Variants in TIAM2 observed in about 807,000 individuals in gnomAD.
TIAM2 encodes the protein rho guanine nucleotide exchange factor TIAM2.
TIAM2 carries 80 observed loss-of-function variants against 152.9 expected under a neutral mutation model. That is an observed-to-expected ratio of 0.52 (90% CI 0.44 to 0.63). The LOEUF is 0.63. Ranked by LOEUF, TIAM2 falls within the 30% of genes least tolerant of loss-of-function variation. The probability of loss-of-function intolerance (pLI) is 0.00; values close to 1 mark genes in which losing one functional copy is unlikely to be tolerated. For synonymous variants in TIAM2, 804 were observed against 838.0 expected, an observed-to-expected ratio of 0.96 and a Z score of 0.70; for missense variants, 1,965 against 2,120.1, an observed-to-expected ratio of 0.93 and a Z score of 1.44.
At chr6:155,047,685 A>AG (rs1404495927) in intron 1 of TIAM2, among the ~76,000 whole-genome samples, 2 of 21,654 alleles carry the variant, frequency 9.2e-5, no homozygotes, top group South Asian at 1.6e-3. Context: ...AGAGAGAGAG[A>AG]GAGGAGAGAG....
intron 1 of TIAM2, among the ~76,000 whole-genome samples, chr6:155,045,862 G>C (rs73795827): frequency 0.07 from 3,345 of 48,068 alleles, 86 homozygotes; most frequent in African/African-American, 0.22. Context: ...TTTTTTTTTT[G>C]GTTTTTGTTT....
intron 1 of TIAM2, among the ~76,000 whole-genome samples, chr6:155,024,914 GA>G (rs1776569839): frequency 6.6e-6 from 1 of 152,216 alleles, no homozygotes; most frequent in Non-Finnish European, 1.5e-5. Context: ...CCAGAAGGGA[GA>G]AATCCAGAAA....
At chr6:155,125,704 G>A (rs972487806) in intron 2 of TIAM2, among the ~76,000 whole-genome samples, 4 of 152,058 alleles carry the variant, frequency 2.6e-5, no homozygotes, top group Non-Finnish European at 4.4e-5. Context: ...CTGGTGCAAT[G>A]GTGCGCGCCT....
In TIAM2 at chr6:155,164,335, T is replaced by G. The variant is rs17086013; in HGVS notation, c.2029-80T>G. ...GCCGAAACTAATTTTTTCTTCAAGT[T>G]TGTGAAAGGGATCACATTTTCGTTT... On this transcript the variant is annotated intron_variant, in intron 7 of 26. Transcript: ENST00000682666. The G allele has an allele frequency of 2.6e-3, 3,494 of 1,370,028 alleles. 90 individuals carry two copies. The African/African-American group carries it at 0.045, about 18-fold the overall frequency. 84.9% of individuals were successfully genotyped at this position (1,370,028 alleles called of 1,614,324 possible). A position where few individuals can be genotyped will look rare whatever the true frequency, so the allele number is the denominator to read the frequency against.
At chr6:155,192,227 CTTAATCT>C (rs1781223713) in intron 14 of TIAM2, among the ~76,000 whole-genome samples, 1 of 152,026 alleles carries the variant, frequency 6.6e-6, no homozygotes, top group South Asian at 2.1e-4. Flanking sequence ...GCCCTGTGGC[CTTAATCT>C]TCTGATTTTC....
rs774698827 is a variant in TIAM2 at position 155,240,615 on chromosome 6, C to G, written c.3254C>G (p.Pro1085Arg). Residue 1085 changes from proline to arginine, a missense_variant, in exon 16 of 27, where the codon CCT (proline) becomes CGT (arginine). By Grantham distance (103) the Pro-to-Arg change is moderately radical. Around this residue, in one of 3 missense-constraint regions of TIAM2, gnomAD observed 935 missense variants for 980.0 expected, o/e 0.95. Coordinates refer to ENST00000682666, the MANE Select transcript of TIAM2 (RefSeq NM_012454.4). ...GMEGPRENQDPPPRSLARHLS... is the reference protein window; with the variant it reads ...GMEGPRENQDRPPRSLARHLS... ...GAAGGACCGCGGGAGAATCAGGATC[C>G]TCCTCCGAGGTCTCTGGCCCGCCAC... 2.7e-5 allele frequency: 44 copies of G among 1,614,040 alleles called. No homozygotes were observed. The highest frequency in any genetic ancestry group is 3.6e-5 in the Non-Finnish European group (42 of 1,180,048).
intron 1 of TIAM2, among the ~76,000 whole-genome samples, chr6:155,053,189 G>A (rs1196446557): frequency 6.6e-6 from 1 of 152,172 alleles, no homozygotes; most frequent in Admixed American, 6.6e-5. Context: ...GAATACAAGT[G>A]TTTATTAAGA....
At chr6:155,117,120 A>ATTTTTTTTTTTTTTTTTTTG (rs1554231601) in intron 2 of TIAM2, among the ~76,000 whole-genome samples, 2 of 151,554 alleles carry the variant, frequency 1.3e-5, no homozygotes, top group South Asian at 2.1e-4. Flanking sequence ...AATAATTTCT[A>ATTTTTTTTTTTTTTTTTTTG]AAAGAAAAAT....
intron 2 of TIAM2, among the ~76,000 whole-genome samples, chr6:155,097,202 G>C (rs1261687903): frequency 6.6e-6 from 1 of 152,022 alleles, no homozygotes; most frequent in Non-Finnish European, 1.5e-5. Context: ...TGAATTATTT[G>C]TTTTTTGCTG....
chr6:155,072,037 G>A (rs574688234), intron 1 of TIAM2, among the ~76,000 whole-genome samples: 2 of 152,162 alleles, frequency 1.3e-5, no homozygotes, highest in African/African-American at 4.8e-5. Flanking sequence ...AGAGGAGAGC[G>A]TGTCAGCTAG....
At chr6:155,093,035 G>A (rs1389044775) in intron 2 of TIAM2, among the ~76,000 whole-genome samples, 1 of 152,142 alleles carries the variant, frequency 6.6e-6, no homozygotes, top group Non-Finnish European at 1.5e-5. Context: ...AAGTAACAGT[G>A]ACAATAAAAC....
intron 9 of TIAM2, among the ~76,000 whole-genome samples, chr6:155,167,348 A>G (rs1292719189): frequency 6.6e-6 from 1 of 152,062 alleles, no homozygotes; most frequent in African/African-American, 2.4e-5. Flanking sequence ...CAGCCTCCCA[A>G]GTAGCTGGGA....
At chr6:155,114,525 C>G (rs1299013741) in intron 2 of TIAM2, among the ~76,000 whole-genome samples, 1 of 151,992 alleles carries the variant, frequency 6.6e-6, no homozygotes, top group African/African-American at 2.4e-5. Context: ...GAGGCATACT[C>G]TAAGTTATAA....
At chr6:155,165,998 C>T (rs73795329) in intron 9 of TIAM2, among the ~76,000 whole-genome samples, 15,854 of 152,156 alleles carry the variant, frequency 0.1, 904 homozygotes, top group Middle Eastern at 0.16. Flanking sequence ...CTAATATTTA[C>T]TTTCTCATAG....
At chr6:155,071,189 G>C (rs1028018992) in intron 1 of TIAM2, among the ~76,000 whole-genome samples, 1 of 46,306 alleles carries the variant, frequency 2.2e-5, no homozygotes, top group African/African-American at 7.0e-5. Flanking sequence ...AAGAAAAAAA[G>C]ACACATATTT....
rs554222306 is a variant in TIAM2, at chr6:155,244,599, G to A, written c.3418-59G>A. 1.5e-4 allele frequency: 231 copies of A among 1,577,770 alleles called. 3 individuals carry two copies. In the South Asian group the frequency reaches 2.6e-3, roughly 18 times the overall value. On this transcript the variant is annotated intron_variant, in intron 17 of 26. Transcript: ENST00000682666. The stretch of plus-strand genomic sequence containing the variant: ...GATTTATTTGTGGGCCTAAGAGTTA[G>A]CGTGGTGTCCTGAACTTCATGGCTA...
At chr6:155,029,904 C>T (rs1048982955) in intron 1 of TIAM2, among the ~76,000 whole-genome samples, 5 of 151,740 alleles carry the variant, frequency 3.3e-5, no homozygotes, top group South Asian at 2.1e-4. Flanking sequence ...GCCATCCTCC[C>T]GTCTCAGCCT....
intron 1 of TIAM2, among the ~76,000 whole-genome samples, chr6:155,012,225 C>T (rs1203761358): frequency 1.3e-5 from 2 of 152,140 alleles, no homozygotes; most frequent in African/African-American, 2.4e-5. Context: ...CTTGCGTTGT[C>T]ATATTTCATT....
chr6:155,251,172 T>C lies in TIAM2; in HGVS notation c.4060+151T>C, dbSNP rs1783634125. 9.0e-6 allele frequency: 6 copies of C among 664,230 alleles called. No individual in the cohort carries two copies. In the Admixed American group the frequency reaches 1.1e-4, roughly 12 times the overall value. The allele number at this position is 664,230 out of a possible 1,614,324, so 41.1% of individuals were successfully genotyped here. A position where few individuals can be genotyped will look rare whatever the true frequency, so the allele number is the denominator to read the frequency against. Reference sequence around the variant, plus strand: ...CTTAACAGGGCCAGCCCCCAACTATTTGAAACTCCGGCATCGCTCTGCATC... The same window carrying C: ...CTTAACAGGGCCAGCCCCCAACTATCTGAAACTCCGGCATCGCTCTGCATC... On this transcript the variant is annotated intron_variant, in intron 22 of 26. Transcript: ENST00000682666.
Sources: gnomAD v4.1 joint callset for allele counts (sites outside exome capture counted in the v4.1 genomes callset) on GRCh38, gnomAD v4.1.1 for gene constraint, gnomAD v4.1.1 regional missense constraint, MANE v1.5 for transcripts, NCBI Gene and HGNC (gene_info 2026-07-23, HGNC 2026-07-21) for gene names.